DIAPH2: variants seen among roughly 807,000 people sequenced by gnomAD.
The protein encoded by DIAPH2 is diaphanous related formin 2.
Under a neutral mutation model 92.7 loss-of-function variants are expected in DIAPH2, and 35 were observed. That is an observed-to-expected ratio of 0.38 (90% CI 0.29 to 0.50). The LOEUF (loss-of-function observed/expected upper bound fraction) is 0.50, where lower values mean the gene tolerates loss of function less well. Among genes scored for constraint, DIAPH2 ranks in the 20% least tolerant of loss-of-function variants. The pLI, the probability that DIAPH2 is intolerant of heterozygous loss-of-function variation, is 0.94. For missense variants in DIAPH2, 701 were observed against 819.5 expected (o/e 0.86, Z 1.77); for synonymous variants, 301 against 280.4 (o/e 1.07, Z -0.73).
rs555509475 is a variant in DIAPH2 at position 97,588,929 on chromosome X, A to G, written c.3242-10324A>G. On this transcript the variant is annotated intron_variant, in intron 26 of 26. Transcript: ENST00000324765. ...CTAAAGACTGAGAATTTAACATCCT[A>G]TCTAGATTTTGTTCTCTAGTTTGAC... 5.0e-4 allele frequency among the ~76,000 whole-genome samples: 49 copies of G among 97,142 alleles called. 1 individual carries two copies. In the South Asian group the frequency reaches 0.015, roughly 30 times the overall value. The allele number at this position is 97,142 out of a possible 115,157, so 84.4% of individuals were successfully genotyped here. A position where few individuals can be genotyped will look rare whatever the true frequency, so the allele number is the denominator to read the frequency against.
chrX:97,438,432 C>CA (rs1398411205), intron 26 of DIAPH2, among the ~76,000 whole-genome samples: 1 of 88,472 alleles, frequency 1.1e-5, no homozygotes, highest in African/African-American at 4.4e-5. Context: ...GTGGTGCGAT[C>CA]ACCACTCCCT....
In DIAPH2 at chrX:96,881,485, C is replaced by T. The variant is rs756605083; in HGVS notation, c.448-94C>T. The T allele has an allele frequency of 2.6e-5, 20 of 783,254 alleles. 1 individual carries two copies. The South Asian group carries it at 4.7e-4, about 18-fold the overall frequency. The allele number at this position is 783,254 out of a possible 1,213,427, so 64.5% of individuals were successfully genotyped here. A position where few individuals can be genotyped will look rare whatever the true frequency, so the allele number is the denominator to read the frequency against. On this transcript the variant is annotated intron_variant, in intron 4 of 26. Transcript: ENST00000324765. ...TTTTAAGTGTGTAGCACTCTGCACA[C>T]ATTTTTATATAACAAAATAAATATT...
intron 22 of DIAPH2, among the ~76,000 whole-genome samples, chrX:97,226,350 T>C (rs2067965051): frequency 9.0e-6 from 1 of 110,625 alleles, no homozygotes; most frequent in Admixed American, 9.6e-5. Context: ...TTTTTGTTTT[T>C]TGTTTTTTGT....
rs757710024 is a variant in DIAPH2, at chrX:97,190,599, G to A, written c.2719+48805G>A. The stretch of plus-strand genomic sequence containing the variant: ...CATGGTGGCTCACGCCTGTAATCCC[G>A]GCACTTTGGGAGGCTGAGGTGGGTG... On this transcript the variant is annotated intron_variant, in intron 22 of 26. Transcript: ENST00000324765. Among the ~76,000 whole-genome samples, 65 of 110,214 alleles carry A rather than the reference G, an allele frequency of 5.9e-4. No homozygotes were observed. In the South Asian group the frequency reaches 0.017, roughly 28 times the overall value.
At chrX:96,912,293 T>C (rs1472735010) in intron 5 of DIAPH2, 35 bp from the exon 6 acceptor site, 1 of 1,056,939 alleles carries the variant, frequency 9.5e-7, no homozygotes. Flanking sequence ...AATTACTAAC[T>C]TACTTATACA....
At chrX:97,401,753 G>C (rs1470123022) in intron 25 of DIAPH2, among the ~76,000 whole-genome samples, 1 of 111,776 alleles carries the variant, frequency 8.9e-6, no homozygotes, top group African/African-American at 3.3e-5. Flanking sequence ...TAAAGTTTAA[G>C]AACCCTAGAG....
chrX:96,807,087 C>T lies in DIAPH2; in HGVS notation c.447+48829C>T, dbSNP rs775739638. Among the ~76,000 whole-genome samples, 12 of 112,045 alleles carry T rather than the reference C, an allele frequency of 1.1e-4. No homozygotes were observed. The South Asian group carries it at 2.3e-3, about 21-fold the overall frequency. On this transcript the variant is annotated intron_variant, in intron 4 of 26. Coordinates refer to ENST00000324765, the MANE Select transcript of DIAPH2 (RefSeq NM_006729.5). ...CATGCCACTTTAACATTAGCTCATT[C>T]TTTATTTGCTTAGCCAATTATATAC...
chrX:97,433,904 T>C (rs2070153922), intron 26 of DIAPH2, among the ~76,000 whole-genome samples: 1 of 111,738 alleles, frequency 8.9e-6, no homozygotes. Flanking sequence ...AGAATGGGAC[T>C]TGCATGCATT....
chrX:97,516,316 T>C (rs2070948133), intron 26 of DIAPH2, among the ~76,000 whole-genome samples: 1 of 111,885 alleles, frequency 8.9e-6, no homozygotes, highest in African/African-American at 3.3e-5. Flanking sequence ...CAATAGGTAT[T>C]TACTGAAGAA....
At chrX:97,179,940 A>G (rs2067525388) in intron 22 of DIAPH2, among the ~76,000 whole-genome samples, 1 of 111,768 alleles carries the variant, frequency 8.9e-6, no homozygotes, top group Non-Finnish European at 1.9e-5. Flanking sequence ...ATTCACTACC[A>G]TGAGAACAGT....
chrX:97,126,685 A>G (rs922537398), intron 21 of DIAPH2, among the ~76,000 whole-genome samples: 2 of 112,332 alleles, frequency 1.8e-5, no homozygotes, highest in Non-Finnish European at 1.9e-5. Flanking sequence ...AAAATAAATT[A>G]TGTTGCTCAT....
chrX:97,035,699 A>G (rs1416277269), intron 17 of DIAPH2, among the ~76,000 whole-genome samples: 1 of 111,644 alleles, frequency 9.0e-6, no homozygotes, highest in Non-Finnish European at 1.9e-5. Flanking sequence ...TCAGTCTTGA[A>G]GCAGGATTTA....
chrX:96,840,029 ATTTAT>A (rs1277669555), intron 4 of DIAPH2, among the ~76,000 whole-genome samples: 1 of 112,425 alleles, frequency 8.9e-6, no homozygotes, highest in Non-Finnish European at 1.9e-5. Flanking sequence ...CATTTTAATA[ATTTAT>A]TTTATGTAAT....
At chrX:97,053,505 G>C (rs1218598109) in intron 17 of DIAPH2, among the ~76,000 whole-genome samples, 1 of 110,984 alleles carries the variant, frequency 9.0e-6, no homozygotes, top group Non-Finnish European at 1.9e-5. Context: ...CTAAACATGA[G>C]ATATTGGTAC....
At chrX:97,298,525 C>T (rs988452414) in intron 23 of DIAPH2, among the ~76,000 whole-genome samples, 3 of 107,892 alleles carry the variant, frequency 2.8e-5, no homozygotes, top group East Asian at 5.9e-4. Context: ...GGCAGCTCTT[C>T]ATATATTTGT....
intron 23 of DIAPH2, among the ~76,000 whole-genome samples, chrX:97,316,292 C>T (rs769968767): frequency 3.6e-5 from 4 of 110,815 alleles, no homozygotes; most frequent in Non-Finnish European, 7.5e-5. Flanking sequence ...TTCTCCTCCT[C>T]TGTTCTTTCT....
At chrX:97,262,008 A>G (rs762299612) in intron 23 of DIAPH2, among the ~76,000 whole-genome samples, 22 of 108,796 alleles carry the variant, frequency 2.0e-4, no homozygotes, top group African/African-American at 7.4e-4. Context: ...TTCATTCAAC[A>G]AATATTTATC....
intron 26 of DIAPH2, among the ~76,000 whole-genome samples, chrX:97,486,830 T>G (rs2070692068): frequency 9.3e-6 from 1 of 107,049 alleles, no homozygotes; most frequent in Admixed American, 1.0e-4. Flanking sequence ...TACAATATTG[T>G]TAACTATAGG....
intron 26 of DIAPH2, among the ~76,000 whole-genome samples, chrX:97,527,925 T>A (rs749196018): frequency 3.6e-5 from 4 of 111,904 alleles, no homozygotes; most frequent in African/African-American, 1.3e-4. Flanking sequence ...AGTACAACTG[T>A]TGTGCTATGA....
Sources: gnomAD v4.1 joint callset for allele counts (sites outside exome capture counted in the v4.1 genomes callset) on GRCh38, gnomAD v4.1.1 for gene constraint, MANE v1.5 for transcripts, NCBI Gene and HGNC (gene_info 2026-07-23, HGNC 2026-07-21) for gene names.